Variants in BMS1 observed in about 807,000 individuals in gnomAD.
BMS1 encodes BMS1 ribosome biogenesis factor.
Under a neutral mutation model 138.7 loss-of-function variants are expected in BMS1, and 53 were observed. The ratio of observed to expected loss-of-function variants is 0.38; its 90% CI spans 0.31 to 0.48. BMS1 has a LOEUF of 0.48. BMS1 is among the 20% of genes least tolerant of loss of function. BMS1 has a pLI of 0.97. For synonymous variants in BMS1, 504 were observed against 539.9 expected, an observed-to-expected ratio of 0.93 and a Z score of 0.92; for missense variants, 1,360 against 1,565.5, an observed-to-expected ratio of 0.87 and a Z score of 2.22.
At chr10:42,810,020 A>G (rs1434261071) in intron 13 of BMS1, among the ~76,000 whole-genome samples, 2 of 147,170 alleles carry the variant, frequency 1.4e-5, no homozygotes, top group East Asian at 4.0e-4. Context: ...CTTGGCTTCA[A>G]GGGAACTCTT....
intron 13 of BMS1, among the ~76,000 whole-genome samples, chr10:42,806,508 G>A (rs780605688): frequency 1.5e-4 from 23 of 152,124 alleles, no homozygotes; most frequent in South Asian, 8.3e-4. Context: ...AGGCTGAGGC[G>A]GGCGGATCAC....
chr10:42,785,180 T>G (rs977174206), intron 2 of BMS1, among the ~76,000 whole-genome samples: 2 of 152,242 alleles, frequency 1.3e-5, no homozygotes, highest in Non-Finnish European at 2.9e-5. Flanking sequence ...TAAAAAACTA[T>G]TAAAATCACT....
At chr10:42,810,682 A>T (rs911526412) in intron 13 of BMS1, among the ~76,000 whole-genome samples, 3 of 152,142 alleles carry the variant, frequency 2.0e-5, no homozygotes, top group Admixed American at 1.3e-4. Context: ...TTTAATGGTT[A>T]TAGGACGATT....
chr10:42,799,398 C>T (rs985125115), intron 12 of BMS1, among the ~76,000 whole-genome samples: 6 of 152,186 alleles, frequency 3.9e-5, no homozygotes, highest in Admixed American at 2.0e-4. Flanking sequence ...TGAGCCATCG[C>T]GCCAGCCCCT....
chr10:42,793,234 T>G (rs1841570965), intron 8 of BMS1, 90 bp downstream of exon 8: 2 of 1,342,646 alleles, frequency 1.5e-6, no homozygotes, highest in African/African-American at 3.0e-5. Flanking sequence ...ACTCAGCTTT[T>G]ATTTATTGAA....
At position 42,813,624 on chromosome 10, in the gene BMS1, C is replaced by T. The variant is rs1447137481; in HGVS notation, c.2330-2975C>T. Among the ~76,000 whole-genome samples the T allele has an allele frequency of 2.6e-5, 4 of 152,288 alleles. 1 individual carries two copies. The highest frequency in any genetic ancestry group is 2.0e-4 in the Admixed American group (3 of 15,292). On this transcript the variant is annotated intron_variant, in intron 13 of 22. Coordinates refer to ENST00000374518, the MANE Select transcript of BMS1 (RefSeq NM_014753.4). Reference sequence around the variant, plus strand: ...TGATTTTAAGAACTGCGGATTGTCTCGTGTATGTATCCACATTTCTGGTCT... The same window carrying T: ...TGATTTTAAGAACTGCGGATTGTCTTGTGTATGTATCCACATTTCTGGTCT...
chr10:42,804,237 G>A (rs951819877), intron 13 of BMS1, among the ~76,000 whole-genome samples: 9 of 151,946 alleles, frequency 5.9e-5, no homozygotes, highest in Admixed American at 4.6e-4. Flanking sequence ...ATTTCTTTTG[G>A]GTAAATAAGT....
rs1321427043 is a variant in BMS1 at position 42,791,772 on chromosome 10, A to G, written c.779+3A>G. 11 of 1,594,060 alleles carry G rather than the reference A, an allele frequency of 6.9e-6. No individual in the cohort carries two copies. Among genetic ancestry groups the G allele is most frequent in the Non-Finnish European group, 9.4e-6 (11 of 1,175,032 alleles). On this transcript the variant is annotated splice_donor_region_variant and intron_variant, in intron 6 of 22. Coordinates refer to ENST00000374518, the MANE Select transcript of BMS1 (RefSeq NM_014753.4). Reference sequence around the variant, plus strand: ...CACCCTTATATCCTGGCAGACAGGTAAAATATGATTTTAAGCTTTTTCTTC... The same window carrying G: ...CACCCTTATATCCTGGCAGACAGGTGAAATATGATTTTAAGCTTTTTCTTC...
At chr10:42,815,591 T>A (rs906442496) in intron 13 of BMS1, among the ~76,000 whole-genome samples, 1 of 152,190 alleles carries the variant, frequency 6.6e-6, no homozygotes, top group Non-Finnish European at 1.5e-5. Context: ...AGACAGGGTC[T>A]CACTCTGTCA....
In BMS1 at chr10:42,790,521, GAA is replaced by G; in HGVS notation, c.636+12_636+13del. The G allele has an allele frequency of 6.2e-7, 1 of 1,612,954 alleles. No homozygotes were observed. The highest frequency in any genetic ancestry group is 8.5e-7 in the Non-Finnish European group (1 of 1,179,176). ...GACGGAAGTTTACCCGGTACGAAGA[GAA>G]ATAATTGTTGGATACTAACAGTATA... On this transcript the variant is annotated intron_variant, in intron 5 of 22. Transcript: ENST00000374518.
intron 8 of BMS1, 27 bp downstream of exon 8, chr10:42,793,171 C>G (rs1262729076): frequency 3.2e-6 from 5 of 1,556,688 alleles, no homozygotes; most frequent in Non-Finnish European, 3.5e-6. Context: ...AGTCATTTCT[C>G]TGAACTTTCA....
chr10:42,807,420 C>T (rs922273927), intron 13 of BMS1, among the ~76,000 whole-genome samples: 60 of 152,124 alleles, frequency 3.9e-4, no homozygotes, highest in African/African-American at 1.2e-3. Context: ...ATGGATGTAC[C>T]GGTTTGTTTA....
chr10:42,783,536 TTGAA>T (rs1841228953), intron 1 of BMS1, among the ~76,000 whole-genome samples: 1 of 152,150 alleles, frequency 6.6e-6, no homozygotes, highest in South Asian at 2.1e-4. Flanking sequence ...AGTACCTTAA[TTGAA>T]TGAAATGGCA....
intron 12 of BMS1, 116 bp from the exon 13 acceptor site, chr10:42,802,021 A>G: frequency 1.4e-6 from 1 of 692,558 alleles, no homozygotes; most frequent in Non-Finnish European, 2.5e-6. Context: ...TTGGAATGAG[A>G]ATATCCATGA....
At chr10:42,788,197 A>G (rs985780037) in intron 4 of BMS1, among the ~76,000 whole-genome samples, 5 of 152,212 alleles carry the variant, frequency 3.3e-5, no homozygotes, top group African/African-American at 1.2e-4. Context: ...ATTAGTAAAA[A>G]TAAGTGTTAT....
In BMS1 at chr10:42,825,049, C is replaced by T. The variant is rs143863027; in HGVS notation, c.3456+1265C>T. On this transcript the variant is annotated intron_variant, in intron 21 of 22. Transcript: ENST00000374518. ...TTTGAGGCAAAGTCTCACTCTGTCG[C>T]CCAAGCTGTAGTGCAGTGGCATAAT... 6.4e-4 allele frequency among the ~76,000 whole-genome samples: 98 copies of T among 152,122 alleles called. No individual in the cohort carries two copies. In the Middle Eastern group the frequency reaches 0.027, roughly 42 times the overall value.
At position 42,792,939 on chromosome 10, in the gene BMS1, T is replaced by C. The variant is rs1359742679; in HGVS notation, c.902-18T>C. 1.3e-6 allele frequency: 2 copies of C among 1,599,980 alleles called. No homozygotes were observed. The highest frequency in any genetic ancestry group is 8.5e-7 in the Non-Finnish European group (1 of 1,174,492). On this transcript the variant is annotated intron_variant, in intron 7 of 22. Coordinates refer to ENST00000374518, the MANE Select transcript of BMS1 (RefSeq NM_014753.4). ...ACTTCTTGTCAGCTGAAGCTGGCTTTTGGGTTCTGTCTTCCAGGGGTAGGA... is the reference window on the plus strand; with the variant it reads ...ACTTCTTGTCAGCTGAAGCTGGCTTCTGGGTTCTGTCTTCCAGGGGTAGGA...
intron 21 of BMS1, among the ~76,000 whole-genome samples, chr10:42,829,099 A>T (rs1842733861): frequency 6.6e-6 from 1 of 152,230 alleles, no homozygotes; most frequent in Non-Finnish European, 1.5e-5. Context: ...TCAATTTATT[A>T]ACAGTATTTA....
At chr10:42,797,288 A>G in intron 10 of BMS1, 57 bp downstream of exon 10, 5 of 1,578,378 alleles carry the variant, frequency 3.2e-6, no homozygotes, top group South Asian at 2.3e-5. Flanking sequence ...ATGGTAACCA[A>G]AGGAATGTCT....
Sources: allele counts gnomAD v4.1 joint callset (sites outside exome capture counted in the v4.1 genomes callset), GRCh38; gene constraint gnomAD v4.1.1; transcripts MANE v1.5; gene names NCBI Gene and HGNC (gene_info 2026-07-23, HGNC 2026-07-21).